The following ERAL1 variants were observed in gnomAD, a reference collection of about 807,000 sequenced individuals.
ERAL1 encodes Era like 12S mitochondrial rRNA chaperone 1.
A neutral mutation model predicts 53.6 loss-of-function variants in ERAL1; 36 were observed. The ratio of observed to expected loss-of-function variants is 0.67; its 90% confidence interval spans 0.51 to 0.89. The LOEUF (loss-of-function observed/expected upper bound fraction) is 0.89. Ranked by LOEUF, ERAL1 falls within the 40% of genes least tolerant of loss-of-function variation. The pLI is 0.00. For missense variants in ERAL1, 512 were observed against 537.5 expected (o/e 0.95, Z 0.47); for synonymous variants, 215 against 211.8 (o/e 1.02, Z -0.13).
chr17:28,856,050 A>G (rs961947160), intron 1 of ERAL1, among the ~76,000 whole-genome samples: 43 of 152,126 alleles, frequency 2.8e-4, no homozygotes, highest in African/African-American at 1.0e-3. Context: ...GTTAATATCA[A>G]CTCACTTTTA....
In ERAL1 at chr17:28,855,091, G is replaced by A. The variant is rs751959320; in HGVS notation, c.57G>A (p.Trp19Ter). The A allele has an allele frequency of 1.2e-6, 2 of 1,614,148 alleles. No homozygotes were observed. The highest frequency in any genetic ancestry group is 4.5e-5 in the East Asian group (2 of 44,884). The change falls in exon 1 of 10, where the codon TGG becomes TGA. Residue 19 changes from tryptophan to a stop codon, truncating the protein, a stop_gained. Coordinates refer to ENST00000254928, the MANE Select transcript of ERAL1 (RefSeq NM_005702.4). LOFTEE classifies it high-confidence loss of function. Reference sequence around the variant, plus strand: ...TTGTTCAATCGGTGTTAAGAGTCTGGCAGGTGGGCCCTCATGTCGCGAGGG... The same window carrying A: ...TTGTTCAATCGGTGTTAAGAGTCTGACAGGTGGGCCCTCATGTCGCGAGGG... Reference protein sequence around the residue: ...ARLVQSVLRVWQVGPHVARER... With the variant: ...ARLVQSVLRV
Position 28,859,012 on chromosome 17 carries a change from G to C in ERAL1, c.1009G>C (p.Ala337Pro). ...GCCAGGGCCCTGGGAGTACCACAGT[G>C]CAGTCCTCACTAGCCAGACACCAGA... ...AQPGPWEYHS[A>P]VLTSQTPEEI... Residue 337 changes from alanine (A) to proline (P), a missense_variant, in exon 8 of 10, where the codon GCA (alanine) becomes CCA (proline). Coordinates refer to ENST00000254928, the MANE Select transcript of ERAL1 (RefSeq NM_005702.4). 1 of 1,614,190 alleles carries C rather than the reference G, an allele frequency of 6.2e-7. No individual in the cohort carries two copies.
At position 28,858,226 on chromosome 17, in the gene ERAL1, A is replaced by C. The variant is rs779362817; in HGVS notation, c.598+19A>C. ...GATCTTGGTTAGGTTCAGGATGGGA[A>C]CCTTAAGCCCAGTTTACAGGGGTCA... On this transcript the variant is annotated intron_variant, in intron 5 of 9. Transcript: ENST00000254928. The C allele has an allele frequency of 1.2e-6, 2 of 1,613,588 alleles. No individual in the cohort carries two copies. Among genetic ancestry groups the C allele is most frequent in the Non-Finnish European group, 1.7e-6 (2 of 1,179,920 alleles).
chr17:28,859,035 A>G lies in ERAL1; in HGVS notation c.1032A>G (p.Pro344=), dbSNP rs2039275812. Residue 344 remains proline (P), a synonymous_variant, in exon 8 of 10, where the codon CCA becomes CCG. Coordinates refer to ENST00000254928, the MANE Select transcript of ERAL1 (RefSeq NM_005702.4). ...YHSAVLTSQT[P]EEICANIIRE... is the part of the protein sequence containing the mutation. ...GTGCAGTCCTCACTAGCCAGACACC[A>G]GAAGAGATCTGTGCCAACATTATCC... The G allele has an allele frequency of 6.2e-7, 1 of 1,614,084 alleles. No individual in the cohort carries two copies. The highest frequency in any genetic ancestry group is 1.1e-5 in the South Asian group (1 of 91,080).
chr17:28,857,925 T>G lies in ERAL1; in HGVS notation c.490-14T>G. ...TTCTCCTGGGGTCTGGGTATCTCAC[T>G]TTCCTGATTTTAGATTCTACTTGAC... On this transcript the variant is annotated splice_polypyrimidine_tract_variant and intron_variant, in intron 3 of 9. Coordinates refer to ENST00000254928, the MANE Select transcript of ERAL1 (RefSeq NM_005702.4). 6.2e-7 allele frequency: 1 copy of G among 1,614,132 alleles called. No homozygotes were observed. The highest frequency in any genetic ancestry group is 8.5e-7 in the Non-Finnish European group (1 of 1,179,996).
intron 4 of ERAL1, 24 bp from the exon 5 acceptor site, chr17:28,858,122 G>C (rs1240080689): frequency 3.1e-6 from 5 of 1,613,884 alleles, no homozygotes; most frequent in Non-Finnish European, 3.4e-6. Flanking sequence ...GACCTTTCCT[G>C]ACTGATGTAT....
At chr17:28,856,678 T>A in intron 3 of ERAL1, 96 bp downstream of exon 3, 1 of 1,097,060 alleles carries the variant, frequency 9.1e-7, no homozygotes. Flanking sequence ...ATGGTCACAT[T>A]CATTTATGTG....
chr17:28,857,438 T>G (rs937614084), intron 3 of ERAL1, among the ~76,000 whole-genome samples: 2 of 151,878 alleles, frequency 1.3e-5, no homozygotes, highest in Non-Finnish European at 2.9e-5. Flanking sequence ...CTTCCTAATC[T>G]TCCTTATATT....
chr17:28,858,120 C>T (rs766323419), intron 4 of ERAL1, 26 bp from the exon 5 acceptor site: 5 of 1,613,868 alleles, frequency 3.1e-6, no homozygotes, highest in East Asian at 2.2e-5. Flanking sequence ...AAGACCTTTC[C>T]TGACTGATGT....
At position 28,858,794 on chromosome 17, in the gene ERAL1, C is replaced by T. The variant is rs1232067535; in HGVS notation, c.930C>T (p.Ala310=). 3 of 1,614,038 alleles carry T rather than the reference C, an allele frequency of 1.9e-6. No homozygotes were observed. The highest frequency in any genetic ancestry group is 2.2e-5 in the East Asian group (1 of 44,896). The change falls in exon 7 of 10, where the codon GCC becomes GCT. Residue 310 remains alanine, a synonymous_variant. Coordinates refer to ENST00000254928, the MANE Select transcript of ERAL1 (RefSeq NM_005702.4). ...TCAAGGAGATCTTCATGTTGTCAGC[C>T]CTAAGCCAGGAGGACGTGAAAACAC... ...PHFKEIFMLS[A]LSQEDVKTLK...
intron 9 of ERAL1, 83 bp from the exon 10 acceptor site, chr17:28,860,348 C>T: frequency 6.5e-7 from 1 of 1,528,112 alleles, no homozygotes; most frequent in Non-Finnish European, 8.9e-7. Context: ...CTCAAAGGAT[C>T]TTCTCACCTT....
chr17:28,858,083 A>G, intron 4 of ERAL1, 63 bp from the exon 5 acceptor site: 1 of 1,613,022 alleles, frequency 6.2e-7, no homozygotes, highest in Non-Finnish European at 8.5e-7. Flanking sequence ...ACCATACCAC[A>G]TCCCTCATCA....
intron 9 of ERAL1, among the ~76,000 whole-genome samples, chr17:28,859,777 T>C (rs1408602396): frequency 6.6e-6 from 1 of 151,796 alleles, no homozygotes; most frequent in Non-Finnish European, 1.5e-5. Context: ...TGACCTCAAA[T>C]TGTCCGCCCA....
intron 9 of ERAL1, 79 bp downstream of exon 9, chr17:28,859,362 C>A: frequency 7.7e-7 from 1 of 1,307,124 alleles, no homozygotes; most frequent in Non-Finnish European, 1.1e-6. Context: ...GCCCTGAGAG[C>A]AGGACCATAT....
chr17:28,856,222 C>A (rs1381159592), intron 1 of ERAL1, 42 bp from the exon 2 acceptor site: 1 of 1,609,386 alleles, frequency 6.2e-7, no homozygotes, highest in South Asian at 1.1e-5. Flanking sequence ...ACAGGAAATC[C>A]AGATTCCACT....
chr17:28,859,337 T>C, intron 9 of ERAL1, 54 bp downstream of exon 9: 1 of 1,564,986 alleles, frequency 6.4e-7, no homozygotes, highest in Non-Finnish European at 8.8e-7. Flanking sequence ...GCAGGAGTTC[T>C]TCCCCCAGCT....
In ERAL1 at chr17:28,860,336, T is replaced by A. The variant is rs544897243; in HGVS notation, c.1192-95T>A. On this transcript the variant is annotated intron_variant, in intron 9 of 9. Coordinates refer to ENST00000254928, the MANE Select transcript of ERAL1 (RefSeq NM_005702.4). ...TACCCAGGCTGGACTCAAACTCCTGTGCTCAAAGGATCTTCTCACCTTAGC... is the reference window on the plus strand; with the variant it reads ...TACCCAGGCTGGACTCAAACTCCTGAGCTCAAAGGATCTTCTCACCTTAGC... 5 of 1,457,318 alleles carry A rather than the reference T, an allele frequency of 3.4e-6. No homozygotes were observed. In the African/African-American group the frequency reaches 7.1e-5, roughly 21 times the overall value. 90.3% of individuals were successfully genotyped at this position (1,457,318 alleles called of 1,614,324 possible).
At chr17:28,858,034 G>C in intron 4 of ERAL1, 49 bp downstream of exon 4, 1 of 1,613,610 alleles carries the variant, frequency 6.2e-7, no homozygotes, top group South Asian at 1.1e-5. Flanking sequence ...ACTGAAAGAG[G>C]GTGGGGAGAT....
chr17:28,856,183 C>A, intron 1 of ERAL1, 81 bp from the exon 2 acceptor site: 1 of 1,574,254 alleles, frequency 6.4e-7, no homozygotes, highest in Non-Finnish European at 8.7e-7. Flanking sequence ...CCCCTGCTCC[C>A]TTTGTGGGTG....
Sources: allele counts gnomAD v4.1 joint callset (sites outside exome capture counted in the v4.1 genomes callset), GRCh38; gene constraint gnomAD v4.1.1; transcripts MANE v1.5; gene names NCBI Gene and HGNC (gene_info 2026-07-23, HGNC 2026-07-21).